DLEC1: variants seen among roughly 807,000 people sequenced by gnomAD.
DLEC1 encodes deleted in lung and esophageal cancer protein 1.
Under a neutral mutation model 198.1 loss-of-function variants are expected in DLEC1, and 146 were observed. The ratio of observed to expected loss-of-function variants is 0.74; its 90% CI spans 0.64 to 0.85. DLEC1 has a LOEUF of 0.85. DLEC1 is among the 40% of genes least tolerant of loss of function. The pLI is 0.00. For missense variants in DLEC1, 2,233 were observed against 2,220.0 expected, an observed-to-expected ratio of 1.01 and a Z score of -0.12; for synonymous variants, 897 against 866.8, an observed-to-expected ratio of 1.03 and a Z score of -0.61.
intron 9 of DLEC1, among the ~76,000 whole-genome samples, chr3:38,087,883 A>G (rs1266402414): frequency 6.6e-6 from 1 of 152,208 alleles, no homozygotes; most frequent in African/African-American, 2.4e-5. Flanking sequence ...GCAGACACAT[A>G]TGCTAGCACC....
intron 6 of DLEC1, among the ~76,000 whole-genome samples, chr3:38,081,935 C>T (rs1286893089): frequency 4.8e-5 from 7 of 145,936 alleles, no homozygotes; most frequent in South Asian, 2.2e-4. Flanking sequence ...GGCTGCCGGG[C>T]GGAGATGCTC....
At chr3:38,052,269 G>T in intron 2 of DLEC1, 1 of 479,134 alleles carries the variant, frequency 2.1e-6, no homozygotes, top group Non-Finnish European at 4.2e-6. Context: ...TGGTGAAGGT[G>T]TGGGACCTCA....
chr3:38,046,469 C>T (rs942428645), intron 2 of DLEC1, among the ~76,000 whole-genome samples: 8 of 152,176 alleles, frequency 5.3e-5, no homozygotes, highest in African/African-American at 9.7e-5. Flanking sequence ...CTCTTGCCTT[C>T]GCTCATGTAA....
chr3:38,095,457 T>C, intron 13 of DLEC1: 1 of 305,838 alleles, frequency 3.3e-6, no homozygotes, highest in Non-Finnish European at 6.2e-6. Context: ...AGGGAAGCCC[T>C]GTGGGCCACG....
chr3:38,062,146 A>C, intron 3 of DLEC1, 23 bp from the exon 4 acceptor site: 1 of 1,613,762 alleles, frequency 6.2e-7, no homozygotes. Context: ...GCAGTGATTC[A>C]GTTTGTTTCC....
intron 6 of DLEC1, among the ~76,000 whole-genome samples, chr3:38,064,711 C>T (rs866402802): frequency 6.6e-5 from 10 of 151,786 alleles, no homozygotes; most frequent in Admixed American, 2.0e-4. Context: ...GGGTCGCGGC[C>T]GGGCAGAGGC....
chr3:38,075,542 AAG>A (rs751631365), intron 6 of DLEC1, among the ~76,000 whole-genome samples: 20 of 151,974 alleles, frequency 1.3e-4, no homozygotes, highest in Non-Finnish European at 2.5e-4. Context: ...GCCCAGAGAA[AAG>A]AGAGAGTAGA....
intron 12 of DLEC1, 123 bp from the exon 13 acceptor site, chr3:38,094,756 C>T (rs1317038039): frequency 4.3e-6 from 5 of 1,163,964 alleles, no homozygotes; most frequent in Non-Finnish European, 6.0e-6. Context: ...GAAGGCTGAC[C>T]TGGTTTCTTC....
rs765693928 is a variant in DLEC1, at chr3:38,110,200, G to T, written c.3362G>T (p.Arg1121Leu). ...ACTCGCCAGCTCATTCTCACCAATC[G>T]CTCCCCAATACGGACCCGTTTCTCC... is the stretch of plus-strand genomic sequence containing the variant. The part of the protein sequence containing the change: ...RVTRQLILTN[R>L]SPIRTRFSLK... Residue 1121 changes from arginine to leucine, a missense_variant, in exon 23 of 37, where the codon CGC becomes CTC. Coordinates refer to ENST00000308059, the MANE Select transcript of DLEC1 (RefSeq NM_007335.4). The T allele has an allele frequency of 6.2e-7, 1 of 1,614,168 alleles. No individual in the cohort carries two copies. The highest frequency in any genetic ancestry group is 8.5e-7 in the Non-Finnish European group (1 of 1,180,026).
intron 6 of DLEC1, among the ~76,000 whole-genome samples, chr3:38,078,246 C>T (rs898032338): frequency 9.2e-5 from 14 of 152,076 alleles, no homozygotes; most frequent in Non-Finnish European, 1.3e-4. Context: ...AAAGTATATG[C>T]GTCAGGTATG....
intron 24 of DLEC1, 81 bp downstream of exon 24, chr3:38,111,828 C>T: frequency 4.0e-6 from 6 of 1,494,290 alleles, no homozygotes; most frequent in Non-Finnish European, 5.4e-6. Context: ...CTGGCAGCTG[C>T]CAGGGAGCGG....
chr3:38,122,004 T>C, intron 35 of DLEC1, 67 bp from the exon 36 acceptor site: 1 of 1,591,724 alleles, frequency 6.3e-7, no homozygotes, highest in South Asian at 1.1e-5. Flanking sequence ...CGGGGGTGGG[T>C]AAAGTCTTCC....
At position 38,098,373 on chromosome 3, in the gene DLEC1, C is replaced by A. The variant is rs143473848; in HGVS notation, c.2724+471C>A. The stretch of plus-strand genomic sequence containing the variant: ...CAAAAAGAAAATTCAAGATTTATTT[C>A]GACTCAAATGGCACTTTTCACTATA... On this transcript the variant is annotated intron_variant, in intron 18 of 36. Coordinates refer to ENST00000308059, the MANE Select transcript of DLEC1 (RefSeq NM_007335.4). Among the ~76,000 whole-genome samples the A allele has an allele frequency of 4.3e-4, 66 of 152,300 alleles. No homozygotes were observed. In the East Asian group the frequency reaches 9.6e-3, roughly 22 times the overall value.
chr3:38,123,267 T>C lies in DLEC1; in HGVS notation c.*855T>C, dbSNP rs1156740068. The C allele has an allele frequency of 9.9e-6, 7 of 709,198 alleles. No individual in the cohort carries two copies. In the East Asian group the frequency reaches 1.6e-4, roughly 16 times the overall value. The allele number at this position is 709,198 out of a possible 1,614,324, so 43.9% of individuals were successfully genotyped here. A position where few individuals can be genotyped will look rare whatever the true frequency, so the allele number is the denominator to read the frequency against. The stretch of plus-strand genomic sequence containing the variant: ...GGCAAGCGGTACCCTGGCCTCCCAC[T>C]TGGGCACACACACGGTGACAGATGC... On this transcript the variant is annotated 3_prime_UTR_variant, in exon 37 of 37. Coordinates refer to ENST00000308059, the MANE Select transcript of DLEC1 (RefSeq NM_007335.4).
Position 38,112,219 on chromosome 3 carries a change from A to T in DLEC1, c.3524A>T (p.Glu1175Val). The change falls in exon 25 of 37, where the codon GAG becomes GTG. Residue 1175 changes from glutamate (E) to valine (V), a missense_variant. Physicochemically the swap from Glu to Val is moderately radical, Grantham distance 121 (BLOSUM62 -2). Coordinates refer to ENST00000308059, the MANE Select transcript of DLEC1 (RefSeq NM_007335.4). This position sits in a 1 kb window ranked among gnomAD's most constrained non-coding sequence, Gnocchi z 4.8. ...CGCGGTTCTTTCCCAGATTTTATGG[A>T]GAGCATGCTATCCCACGGGAAAGGA... is the stretch of plus-strand genomic sequence containing the variant. ...LAKREQLDFMESMLSHGKGAA... is the reference protein window; with the variant it reads ...LAKREQLDFMVSMLSHGKGAA... 1.2e-6 allele frequency: 2 copies of T among 1,614,142 alleles called. No homozygotes were observed. Among genetic ancestry groups the T allele is most frequent in the Non-Finnish European group, 1.7e-6 (2 of 1,180,002 alleles).
rs1698897454 is a variant in DLEC1, at chr3:38,094,339, C to T, written c.1920-540C>T. On this transcript the variant is annotated intron_variant, in intron 12 of 36. Transcript: ENST00000308059. ...CAGACATTACACAGGACTCTGTCATCTCTCCCCCGGGATAGCTGCAAGTCC... is the reference window on the plus strand; with the variant it reads ...CAGACATTACACAGGACTCTGTCATTTCTCCCCCGGGATAGCTGCAAGTCC... 2.0e-5 allele frequency among the ~76,000 whole-genome samples: 3 copies of T among 152,212 alleles called. No individual in the cohort carries two copies. In the South Asian group the frequency reaches 6.2e-4, roughly 31 times the overall value.
intron 33 of DLEC1, among the ~76,000 whole-genome samples, chr3:38,118,719 A>G (rs1323125632): frequency 2.6e-5 from 4 of 151,028 alleles, no homozygotes; most frequent in African/African-American, 9.8e-5. Context: ...CCTGCTTCAG[A>G]GGCCCTCTTT....
chr3:38,122,484 T>C lies in DLEC1; in HGVS notation c.*72T>C, dbSNP rs752696873. 2.1e-5 allele frequency: 34 copies of C among 1,613,392 alleles called. No homozygotes were observed. The South Asian group carries it at 3.6e-4, about 17-fold the overall frequency. On this transcript the variant is annotated 3_prime_UTR_variant, in exon 37 of 37. Transcript: ENST00000308059. Reference sequence around the variant, plus strand: ...ATTGCCCAGGGATTAGGAGCAGCTCTTCAGCACAAAGACACAGACTTGGGG... The same window carrying C: ...ATTGCCCAGGGATTAGGAGCAGCTCCTCAGCACAAAGACACAGACTTGGGG...
At chr3:38,095,829 C>T (rs1698985932) in intron 13 of DLEC1, 59 bp from the exon 14 acceptor site, 1 of 1,607,338 alleles carries the variant, frequency 6.2e-7, no homozygotes, top group East Asian at 2.2e-5. Context: ...CCCCAGCCTT[C>T]TCCAGGACAA....
Sources: allele counts gnomAD v4.1 joint callset (sites outside exome capture counted in the v4.1 genomes callset), GRCh38; gene constraint gnomAD v4.1.1; non-coding constraint Gnocchi (gnomAD v3.1); transcripts MANE v1.5; gene names NCBI Gene and HGNC (gene_info 2026-07-23, HGNC 2026-07-21).